The following BCAR3 variants were observed in gnomAD, a reference collection of about 807,000 sequenced individuals.
The protein encoded by BCAR3 is breast cancer anti-estrogen resistance protein 3.
A neutral mutation model predicts 80.1 loss-of-function variants in BCAR3; 37 were observed. The observed-to-expected ratio is 0.46, with a 90% CI of 0.36 to 0.61. The LOEUF is 0.61. Among genes scored for constraint, BCAR3 ranks in the 20% least tolerant of loss-of-function variants. The pLI is 0.00. For missense variants in BCAR3, 978 were observed against 1,068.2 expected (o/e 0.92, Z 1.18); for synonymous variants, 389 against 418.9 (o/e 0.93, Z 0.87).
At chr1:93,569,132 G>A (rs1673100899) in intron 9 of BCAR3, among the ~76,000 whole-genome samples, 1 of 152,212 alleles carries the variant, frequency 6.6e-6, no homozygotes, top group South Asian at 2.1e-4. Flanking sequence ...GCTATGTTAA[G>A]TTTTCTACAT....
intron 2 of BCAR3, among the ~76,000 whole-genome samples, chr1:93,642,678 C>T (rs184450710): frequency 5.9e-5 from 9 of 152,260 alleles, no homozygotes; most frequent in Admixed American, 3.3e-4. Flanking sequence ...GGACTGGGTA[C>T]GGGAACGTGT....
intron 2 of BCAR3, among the ~76,000 whole-genome samples, chr1:93,708,281 C>A (rs928825615): frequency 6.6e-6 from 1 of 152,188 alleles, no homozygotes; most frequent in African/African-American, 2.4e-5. Context: ...TCTCACAGAA[C>A]AATTAAACCC....
At chr1:93,673,485 TA>T (rs1423864681) in intron 2 of BCAR3, among the ~76,000 whole-genome samples, 1 of 152,132 alleles carries the variant, frequency 6.6e-6, no homozygotes, top group Non-Finnish European at 1.5e-5. Flanking sequence ...ATTGAACAAA[TA>T]AATGAGCTAG....
intron 3 of BCAR3, among the ~76,000 whole-genome samples, chr1:93,641,133 G>A (rs1675965785): frequency 6.6e-6 from 1 of 152,184 alleles, no homozygotes; most frequent in Non-Finnish European, 1.5e-5. Flanking sequence ...TGAAAACACA[G>A]CTCAGTTGTC....
At chr1:93,722,119 G>A (rs1431205908) in intron 2 of BCAR3, among the ~76,000 whole-genome samples, 1 of 152,214 alleles carries the variant, frequency 6.6e-6, no homozygotes, top group African/African-American at 2.4e-5. Flanking sequence ...GGTCCCATGG[G>A]GGAGGGGCGG....
intron 2 of BCAR3, among the ~76,000 whole-genome samples, chr1:93,739,536 G>A (rs1257276977): frequency 1.3e-5 from 2 of 152,120 alleles, no homozygotes; most frequent in Non-Finnish European, 2.9e-5. Context: ...CTATAGAAAT[G>A]TAGCCTCTTA....
At chr1:93,844,057 G>A (rs957959385) in intron 2 of BCAR3, among the ~76,000 whole-genome samples, 5 of 152,138 alleles carry the variant, frequency 3.3e-5, no homozygotes, top group African/African-American at 7.2e-5. Context: ...GGTAGCTCAC[G>A]CCTCACTTTG....
intron 2 of BCAR3, among the ~76,000 whole-genome samples, chr1:93,652,571 A>T (rs912009264): frequency 1.2e-4 from 18 of 152,172 alleles, no homozygotes; most frequent in Admixed American, 6.5e-4. Context: ...TGCACCACAG[A>T]TTTCTATTCT....
At chr1:93,655,473 G>A (rs1010372262) in intron 2 of BCAR3, among the ~76,000 whole-genome samples, 1 of 152,154 alleles carries the variant, frequency 6.6e-6, no homozygotes, top group African/African-American at 2.4e-5. Flanking sequence ...TGAGTGAAAG[G>A]GAAGAGAGAG....
At chr1:93,730,261 A>C (rs1203841426) in intron 2 of BCAR3, among the ~76,000 whole-genome samples, 2 of 151,852 alleles carry the variant, frequency 1.3e-5, no homozygotes, top group East Asian at 1.9e-4. Flanking sequence ...GTCCACAGAG[A>C]GGCCTTCACT....
chr1:93,682,189 C>G (rs1648814270), upstream of BCAR3, among the ~76,000 whole-genome samples: 1 of 152,102 alleles, frequency 6.6e-6, no homozygotes, highest in South Asian at 2.1e-4. Context: ...GAGACAAAGC[C>G]CCAGGTAACC....
intron 2 of BCAR3, among the ~76,000 whole-genome samples, chr1:93,716,533 C>T (rs1650196290): frequency 6.6e-6 from 1 of 152,178 alleles, no homozygotes; most frequent in Admixed American, 6.5e-5. Flanking sequence ...GCATAGATTT[C>T]CCCAAAACCA....
In BCAR3 at chr1:93,824,563, G is replaced by A. The variant is rs112215764; in HGVS notation, c.-63+21004C>T. ...CTGGGGAAAACACTGACCAGGGTCC[G>A]GCAGCTCTCCTTGCATCCCCGACCT... On this transcript the variant is annotated intron_variant, in intron 2 of 13. Transcript: ENST00000370244. Among the ~76,000 whole-genome samples the A allele has an allele frequency of 9.6e-4, 127 of 132,794 alleles. 14 individuals carry two copies. The highest frequency in any genetic ancestry group is 2.5e-3 in the African/African-American group (98 of 39,694). The allele number at this position is 132,794 out of a possible 152,430, so 87.1% of individuals were successfully genotyped here.
At chr1:93,785,487 C>T (rs145716508) in intron 2 of BCAR3, among the ~76,000 whole-genome samples, 14 of 152,200 alleles carry the variant, frequency 9.2e-5, no homozygotes, top group South Asian at 2.1e-4. Flanking sequence ...AATTCAAATA[C>T]GTAAGAATTC....
At chr1:93,596,406 C>G (rs919295279) in intron 3 of BCAR3, among the ~76,000 whole-genome samples, 1 of 152,220 alleles carries the variant, frequency 6.6e-6, no homozygotes, top group African/African-American at 2.4e-5. Flanking sequence ...CCAACTCTCT[C>G]ACATTTGTAG....
At chr1:93,783,132 TTATA>T (rs1652820284) in intron 2 of BCAR3, among the ~76,000 whole-genome samples, 1 of 152,184 alleles carries the variant, frequency 6.6e-6, no homozygotes, top group African/African-American at 2.4e-5. Flanking sequence ...CAATTTAGTA[TTATA>T]TAATAAAGTT....
At chr1:93,625,783 C>T (rs537386721) in intron 3 of BCAR3, among the ~76,000 whole-genome samples, 3 of 152,278 alleles carry the variant, frequency 2.0e-5, no homozygotes, top group African/African-American at 4.8e-5. Flanking sequence ...TCTTCATTCA[C>T]ATAAAGGATG....
At chr1:93,681,044 G>A (rs890827902) in intron 1 of BCAR3, 2 of 152,288 alleles carry the variant, frequency 1.3e-5, no homozygotes, top group Non-Finnish European at 2.9e-5. Context: ...GAGGGAGGGA[G>A]ATGTTGTCAA....
intron 3 of BCAR3, among the ~76,000 whole-genome samples, chr1:93,616,134 C>G (rs1017952430): frequency 5.3e-5 from 8 of 152,178 alleles, no homozygotes; most frequent in African/African-American, 1.9e-4. Context: ...ACTGTGGTAT[C>G]ACAGCTCTTG....
Sources: allele counts gnomAD v4.1 joint callset (sites outside exome capture counted in the v4.1 genomes callset), GRCh38; gene constraint gnomAD v4.1.1; transcripts MANE v1.5; gene names NCBI Gene and HGNC (gene_info 2026-07-23, HGNC 2026-07-21).